USP13: variants seen among roughly 807,000 people sequenced by gnomAD.
The protein encoded by USP13 is ubiquitin carboxyl-terminal hydrolase 13.
A neutral mutation model predicts 107.8 loss-of-function variants in USP13; 68 were observed. The observed-to-expected ratio is 0.63, with a 90% CI of 0.52 to 0.77. USP13 has a LOEUF of 0.77. USP13 is among the 30% of genes least tolerant of loss of function. The pLI is 0.00. For missense variants in USP13, 945 were observed against 1,093.3 expected, an observed-to-expected ratio of 0.86 and a Z score of 1.91; for synonymous variants, 377 against 389.5, an observed-to-expected ratio of 0.97 and a Z score of 0.38.
At chr3:179,702,321 G>A (rs955913730) in intron 4 of USP13, among the ~76,000 whole-genome samples, 1 of 152,160 alleles carries the variant, frequency 6.6e-6, no homozygotes, top group Admixed American at 6.5e-5. Context: ...GCCCGGCCTG[G>A]TCTCCCATTT....
chr3:179,697,614 A>G (rs549969042), intron 3 of USP13, among the ~76,000 whole-genome samples: 1 of 152,314 alleles, frequency 6.6e-6, no homozygotes, highest in East Asian at 1.9e-4. Flanking sequence ...AATAGAAGGT[A>G]GCAGCTGGGG....
At chr3:179,670,897 C>A (rs997572860) in intron 1 of USP13, among the ~76,000 whole-genome samples, 1 of 151,890 alleles carries the variant, frequency 6.6e-6, no homozygotes, top group African/African-American at 2.4e-5. Flanking sequence ...GGGGTTTTAC[C>A]ATGTTGGCCA....
chr3:179,773,761 C>A (rs1027198304), intron 19 of USP13, among the ~76,000 whole-genome samples: 2 of 152,168 alleles, frequency 1.3e-5, no homozygotes, highest in Non-Finnish European at 2.9e-5. Flanking sequence ...AAAAATTAGT[C>A]AGTGTCTGTC....
chr3:179,718,696 A>G (rs4855108), intron 6 of USP13, among the ~76,000 whole-genome samples: 108,194 of 152,098 alleles, frequency 0.71, 38,828 homozygotes, highest in Admixed American at 0.77. Flanking sequence ...GTGCACCTGA[A>G]GATCTCGTTA....
Position 179,742,010 on chromosome 3 carries a change from A to G in USP13, c.1381-187A>G, listed in dbSNP as rs929191456. 1.3e-5 allele frequency among the ~76,000 whole-genome samples: 2 copies of G among 152,116 alleles called. No homozygotes were observed. Among genetic ancestry groups the G allele is most frequent in the Non-Finnish European group, 2.9e-5 (2 of 68,034 alleles). On this transcript the variant is annotated intron_variant, in intron 11 of 20. Transcript: ENST00000263966. This position sits in a 1 kb window ranked among gnomAD's most constrained non-coding sequence, Gnocchi z 5.0. ...ATGATGAACTATATTTTATTTTACC[A>G]ATCCCCATTTTTGGACTTTAGATAA...
chr3:179,686,108 G>T (rs369440947), intron 2 of USP13, among the ~76,000 whole-genome samples: 4 of 152,114 alleles, frequency 2.6e-5, no homozygotes, highest in African/African-American at 9.7e-5. Flanking sequence ...TCCCTGCCCA[G>T]CAAACCTTCT....
At chr3:179,708,109 T>C (rs2268940) in intron 5 of USP13, among the ~76,000 whole-genome samples, 30,215 of 152,104 alleles carry the variant, frequency 0.2, 3,149 homozygotes, top group Admixed American at 0.25. Flanking sequence ...CACACAGGAT[T>C]CTTAATATTT....
In USP13 at chr3:179,752,269, C is replaced by T. The variant is rs759134026; in HGVS notation, c.1710-16C>T. The stretch of plus-strand genomic sequence containing the variant: ...TATTGCCTTGTTTCATTGATATATC[C>T]CCTTGTGTTTCCCAGAACATCTCGC... On this transcript the variant is annotated splice_polypyrimidine_tract_variant and intron_variant, in intron 13 of 20. Coordinates refer to ENST00000263966, the MANE Select transcript of USP13 (RefSeq NM_003940.3). The T allele has an allele frequency of 2.5e-6, 4 of 1,605,962 alleles. No individual in the cohort carries two copies. The Admixed American group carries it at 6.7e-5, about 27-fold the overall frequency.
At chr3:179,757,823 G>A (rs372503477) in intron 16 of USP13, among the ~76,000 whole-genome samples, 16 of 152,242 alleles carry the variant, frequency 1.1e-4, no homozygotes, top group African/African-American at 3.6e-4. Context: ...ATGTTTTGCC[G>A]ATTGTTAGAG....
At position 179,708,786 on chromosome 3, in the gene USP13, G is replaced by A. The variant is rs765955791; in HGVS notation, c.634G>A (p.Ala212Thr). ...VRIPPSGWKC[A>T]RCDLRENLWL... ...ATGGCTTTCCAGTGGTTGGAAGTGT[G>A]CCAGATGCGACCTGCGAGAAAACCT... The change falls in exon 6 of 21, where the codon GCC (alanine) becomes ACC (threonine). Residue 212 changes from alanine to threonine, a missense_variant. Transcript: ENST00000263966. 4.3e-6 allele frequency: 7 copies of A among 1,614,192 alleles called. No homozygotes were observed. In the Admixed American group the frequency reaches 1.0e-4, roughly 23 times the overall value.
chr3:179,680,346 A>G (rs985021592), intron 1 of USP13, among the ~76,000 whole-genome samples: 3 of 152,302 alleles, frequency 2.0e-5, no homozygotes, highest in African/African-American at 4.8e-5. Context: ...GCTTGGCACT[A>G]GAAGTGTTTC....
At chr3:179,773,767 C>T (rs1715411481) in intron 19 of USP13, among the ~76,000 whole-genome samples, 1 of 152,214 alleles carries the variant, frequency 6.6e-6, no homozygotes, top group African/African-American at 2.4e-5. Flanking sequence ...TAGTCAGTGT[C>T]TGTCAGGACC....
chr3:179,754,756 T>C lies in USP13; in HGVS notation c.1823T>C (p.Leu608Pro), dbSNP rs750965215. The change falls in exon 15 of 21, where the codon CTA (leucine) becomes CCA (proline). Residue 608 changes from leucine (L) to proline (P), a missense_variant. By Grantham distance (98) the Leu-to-Pro change is moderately conservative. Coordinates refer to ENST00000263966, the MANE Select transcript of USP13 (RefSeq NM_003940.3). ...GATGTTTCTATTGATATGCCAGACC[T>C]ACTTGATATCAACCATCTCCGAGCC... Reference protein sequence around the residue: ...KFDVSIDMPDLLDINHLRARG... With the variant: ...KFDVSIDMPDPLDINHLRARG... 31 of 1,613,588 alleles carry C rather than the reference T, an allele frequency of 1.9e-5. No homozygotes were observed. In the South Asian group the frequency reaches 3.3e-4, roughly 17 times the overall value.
intron 3 of USP13, among the ~76,000 whole-genome samples, chr3:179,691,105 G>A (rs1335459961): frequency 6.6e-6 from 1 of 151,604 alleles, no homozygotes; most frequent in African/African-American, 2.4e-5. Context: ...GGAAGTTGAG[G>A]CTGTAGTGAG....
At chr3:179,666,822 T>A (rs1720601011) in intron 1 of USP13, among the ~76,000 whole-genome samples, 1 of 152,158 alleles carries the variant, frequency 6.6e-6, no homozygotes, top group Admixed American at 6.5e-5. Flanking sequence ...CTGGCTCCTG[T>A]CACCAAAACG....
rs199892596 is a variant in USP13, at chr3:179,730,149, T to G, written c.1089-40T>G. 3.8e-6 allele frequency: 6 copies of G among 1,565,704 alleles called. No individual in the cohort carries two copies. The African/African-American group carries it at 4.1e-5, about 11-fold the overall frequency. ...TGGCTTGTTTTGGTTCTGTTCTTCT[T>G]GCAGTTGCTATGTTTTAACTATTGC... On this transcript the variant is annotated intron_variant, in intron 8 of 20. Transcript: ENST00000263966.
intron 1 of USP13, among the ~76,000 whole-genome samples, chr3:179,665,629 A>T (rs540799759): frequency 6.6e-6 from 1 of 152,168 alleles, no homozygotes; most frequent in East Asian, 1.9e-4. Flanking sequence ...TGTGTTGCCC[A>T]GGCTGGAGTG....
intron 19 of USP13, among the ~76,000 whole-genome samples, chr3:179,776,871 T>G (rs1404579179): frequency 1.3e-5 from 2 of 148,256 alleles, no homozygotes; most frequent in East Asian, 1.9e-4. Flanking sequence ...TTTTTTTTTT[T>G]TTTTTTTTTT....
At chr3:179,732,433 T>C (rs747808105) in intron 10 of USP13, among the ~76,000 whole-genome samples, 1 of 152,164 alleles carries the variant, frequency 6.6e-6, no homozygotes, top group African/African-American at 2.4e-5. Context: ...GTGCTGGTGG[T>C]GAAGGAGCTG....
Sources: allele counts gnomAD v4.1 joint callset (sites outside exome capture counted in the v4.1 genomes callset), GRCh38; gene constraint gnomAD v4.1.1; non-coding constraint Gnocchi (gnomAD v3.1); transcripts MANE v1.5; gene names NCBI Gene and HGNC (gene_info 2026-07-23, HGNC 2026-07-21).